PLEKHB2: variants seen among roughly 807,000 people sequenced by gnomAD.
PLEKHB2 encodes the protein pleckstrin homology domain containing B2.
Under a neutral mutation model 36.5 loss-of-function variants are expected in PLEKHB2, and 31 were observed. The observed-to-expected ratio is 0.85, with a 90% CI of 0.64 to 1.15. PLEKHB2 has a LOEUF of 1.15. Among genes scored for constraint, PLEKHB2 ranks in the 50% most tolerant of loss-of-function variants. PLEKHB2 has a pLI of 0.00. For synonymous variants in PLEKHB2, 119 were observed against 112.0 expected (o/e 1.06, Z -0.39); for missense variants, 262 against 295.3 (o/e 0.89, Z 0.83).
chr2:131,110,729 C>A (rs913513825), intron 1 of PLEKHB2, among the ~76,000 whole-genome samples: 1 of 151,956 alleles, frequency 6.6e-6, no homozygotes, highest in African/African-American at 2.4e-5. Flanking sequence ...TTTCCGTTAG[C>A]ATTTTGAAGG....
At chr2:131,106,272 C>G (rs966422116) in intron 1 of PLEKHB2, among the ~76,000 whole-genome samples, 1 of 152,056 alleles carries the variant, frequency 6.6e-6, no homozygotes, top group Admixed American at 6.6e-5. Flanking sequence ...GACTCATGGT[C>G]TCAGCCTTTA....
intron 2 of PLEKHB2, among the ~76,000 whole-genome samples, chr2:131,124,859 C>T (rs1229477783): frequency 6.6e-6 from 1 of 151,768 alleles, no homozygotes; most frequent in African/African-American, 2.4e-5. Flanking sequence ...GATCTTGGCT[C>T]ACTGCAACCT....
At chr2:131,114,541 G>A (rs1218259378) in intron 1 of PLEKHB2, among the ~76,000 whole-genome samples, 1 of 152,106 alleles carries the variant, frequency 6.6e-6, no homozygotes, top group East Asian at 1.9e-4. Flanking sequence ...CTTTTCTGTT[G>A]CATCATCAGT....
At chr2:131,111,818 T>C (rs1695366097) in intron 1 of PLEKHB2, among the ~76,000 whole-genome samples, 1 of 152,202 alleles carries the variant, frequency 6.6e-6, no homozygotes, top group Non-Finnish European at 1.5e-5. Context: ...AAGTTTTCTT[T>C]TGTACCCAGC....
At chr2:131,133,376 A>G (rs1196112829) in intron 6 of PLEKHB2, among the ~76,000 whole-genome samples, 1 of 152,224 alleles carries the variant, frequency 6.6e-6, no homozygotes, top group Admixed American at 6.5e-5. Flanking sequence ...ATACATTGGG[A>G]TGTCCTCTTG....
intron 1 of PLEKHB2, among the ~76,000 whole-genome samples, chr2:131,110,787 A>G (rs775304884): frequency 2.0e-4 from 30 of 152,034 alleles, no homozygotes; most frequent in Non-Finnish European, 3.7e-4. Flanking sequence ...TCCTTTATAT[A>G]TGCTTTTTTC....
chr2:131,132,955 T>G lies in PLEKHB2; in HGVS notation c.387T>G (p.Pro129=). 1.2e-6 allele frequency: 2 copies of G among 1,613,932 alleles called. No homozygotes were observed. Among genetic ancestry groups the G allele is most frequent in the Non-Finnish European group, 8.5e-7 (1 of 1,179,840 alleles). The part of the protein sequence containing the change: ...MTDETSVVSS[P]PPYTAYAAPA... ...ATGAGACATCCGTGGTTTCCTCACC[T>G]CCACCATACACGGCCTATGCTGCAC... is the stretch of plus-strand genomic sequence containing the variant. Residue 129 remains proline (P), a synonymous_variant, in exon 6 of 8, where the codon CCT becomes CCG. Coordinates refer to ENST00000693505, the MANE Select transcript of PLEKHB2 (RefSeq NM_001100623.2).
At chr2:131,110,647 A>G (rs1027378070) in intron 1 of PLEKHB2, among the ~76,000 whole-genome samples, 15 of 152,180 alleles carry the variant, frequency 9.9e-5, no homozygotes, top group Admixed American at 9.2e-4. Context: ...TGTTGGGATT[A>G]TGCTCAAGAG....
intron 6 of PLEKHB2, 37 bp downstream of exon 6, chr2:131,133,028 T>TG (rs1482218288): frequency 2.9e-6 from 4 of 1,377,410 alleles, no homozygotes; most frequent in Non-Finnish European, 4.1e-6. Context: ...GAGGGAAGTT[T>TG]GGGGTCTCTG....
At chr2:131,137,670 G>T (rs1465085718) in intron 6 of PLEKHB2, among the ~76,000 whole-genome samples, 1 of 152,124 alleles carries the variant, frequency 6.6e-6, no homozygotes, top group Non-Finnish European at 1.5e-5. Context: ...TTTACTAAAG[G>T]TTTTATTAAT....
chr2:131,125,127 G>T lies in PLEKHB2; in HGVS notation c.38-626G>T, dbSNP rs544140162. On this transcript the variant is annotated intron_variant, in intron 2 of 7. Coordinates refer to ENST00000693505, the MANE Select transcript of PLEKHB2 (RefSeq NM_001100623.2). Reference sequence around the variant, plus strand: ...AGAGAAAGATATTATTTTTATTTGCGTATAGAGACTTCACAGTCCAGCATT... The same window carrying T: ...AGAGAAAGATATTATTTTTATTTGCTTATAGAGACTTCACAGTCCAGCATT... Among the ~76,000 whole-genome samples the T allele has an allele frequency of 4.6e-5, 7 of 152,224 alleles. No homozygotes were observed. The East Asian group carries it at 1.4e-3, about 29-fold the overall frequency.
chr2:131,126,749 A>G lies in PLEKHB2; in HGVS notation c.256A>G (p.Thr86Ala), dbSNP rs1405622552. The G allele has an allele frequency of 6.2e-7, 1 of 1,609,916 alleles. No individual in the cohort carries two copies. The change falls in exon 4 of 8, where the codon ACA becomes GCA. Residue 86 changes from threonine (T) to alanine (A), a missense_variant. Coordinates refer to ENST00000693505, the MANE Select transcript of PLEKHB2 (RefSeq NM_001100623.2). ...MLQIVCRDGK[T>A]ISLCAESTDD... ...CCAGATTGTTTGTCGAGATGGGAAAACAATTAGTCTTTGTGCAGAAAGCAC... is the reference window on the plus strand; with the variant it reads ...CCAGATTGTTTGTCGAGATGGGAAAGCAATTAGTCTTTGTGCAGAAAGCAC...
intron 5 of PLEKHB2, among the ~76,000 whole-genome samples, chr2:131,131,606 C>G (rs10928539): frequency 1.3e-5 from 2 of 151,970 alleles, no homozygotes; most frequent in Non-Finnish European, 2.9e-5. Flanking sequence ...GAAGGTGGAT[C>G]AAGCTTACAG....
At chr2:131,143,423 C>A (rs760429130) in intron 7 of PLEKHB2, among the ~76,000 whole-genome samples, 7 of 152,186 alleles carry the variant, frequency 4.6e-5, no homozygotes, top group Non-Finnish European at 8.8e-5. Flanking sequence ...CATGTCTAAT[C>A]TTTTATCTCT....
At chr2:131,141,257 A>G (rs1698749176) in intron 7 of PLEKHB2, among the ~76,000 whole-genome samples, 1 of 152,142 alleles carries the variant, frequency 6.6e-6, no homozygotes, top group Admixed American at 6.5e-5. Flanking sequence ...TGTTCTGGGA[A>G]TCTGAGGCAC....
chr2:131,120,074 T>A (rs1157558894), intron 1 of PLEKHB2, among the ~76,000 whole-genome samples: 1 of 151,812 alleles, frequency 6.6e-6, no homozygotes, highest in African/African-American at 2.4e-5. Flanking sequence ...GTTCAAGCAG[T>A]TCTCCTGCCT....
At chr2:131,144,305 T>C in intron 7 of PLEKHB2, 1 of 420,162 alleles carries the variant, frequency 2.4e-6, no homozygotes. Context: ...TGCTGTGATT[T>C]AACCCGCTAG....
At chr2:131,146,400 G>A (rs370797436) in intron 7 of PLEKHB2, among the ~76,000 whole-genome samples, 2 of 152,098 alleles carry the variant, frequency 1.3e-5, no homozygotes, top group Non-Finnish European at 2.9e-5. Flanking sequence ...CTTCATTAGG[G>A]TTCTGCTTTT....
intron 7 of PLEKHB2, among the ~76,000 whole-genome samples, chr2:131,145,290 T>G (rs1699172137): frequency 6.6e-6 from 1 of 152,226 alleles, no homozygotes; most frequent in South Asian, 2.1e-4. Flanking sequence ...CGGGTTTCAC[T>G]TCTGCTCTTC....
Sources: allele counts gnomAD v4.1 joint callset (sites outside exome capture counted in the v4.1 genomes callset), GRCh38; gene constraint gnomAD v4.1.1; transcripts MANE v1.5; gene names NCBI Gene and HGNC (gene_info 2026-07-23, HGNC 2026-07-21).